The following SLFN11 variants were observed in gnomAD, a reference collection of about 807,000 sequenced individuals.
SLFN11 encodes schlafen family member 11.
In SLFN11, 43 loss-of-function variants were observed where a neutral mutation model predicts 53.4. The observed-to-expected ratio is 0.80, with a 90% CI of 0.63 to 1.04. The LOEUF (loss-of-function observed/expected upper bound fraction) is 1.04. Among genes scored for constraint, SLFN11 ranks in the 50% least tolerant of loss-of-function variants. SLFN11 has a pLI of 0.00. For missense variants in SLFN11, 990 were observed against 1,079.1 expected (o/e 0.92, Z 1.16); for synonymous variants, 389 against 394.7 (o/e 0.99, Z 0.17).
chr17:35,369,104 A>C (rs1439694575), intron 1 of SLFN11, among the ~76,000 whole-genome samples: 1 of 152,026 alleles, frequency 6.6e-6, no homozygotes, highest in Non-Finnish European at 1.5e-5. Context: ...TGCTTGAGAA[A>C]AGCAGAGGGA....
rs765437686 is a variant in SLFN11 at position 35,353,736 on chromosome 17, C to T, written c.1522G>A (p.Val508Met). The T allele has an allele frequency of 9.4e-6, 14 of 1,495,490 alleles. No homozygotes were observed. In the Admixed American group the frequency reaches 2.1e-4, roughly 22 times the overall value. 92.6% of individuals were successfully genotyped at this position (1,495,490 alleles called of 1,614,324 possible). ...CAGAGGACCTTGGCCCTGACACACA[C>T]CTTCCCGGTGTAGCCCCCCATGTTC... ...LVNMGGYTGK[V>M]CVRAKVLCLS... Residue 508 changes from valine (V) to methionine (M), a missense_variant, in exon 6 of 7, where the codon GTG (valine) becomes ATG (methionine). By Grantham distance (21) the Val-to-Met change is conservative (BLOSUM62 1). This residue lies in a region of SLFN11 where 156 missense variants were observed against 241.9 expected (regional missense o/e 0.64). Coordinates refer to ENST00000685675, the MANE Select transcript of SLFN11 (RefSeq NM_001376007.1).
At chr17:35,361,796 G>A (rs1339815165) in intron 4 of SLFN11, among the ~76,000 whole-genome samples, 1 of 151,936 alleles carries the variant, frequency 6.6e-6, no homozygotes, top group African/African-American at 2.4e-5. Flanking sequence ...CCAGACTGGA[G>A]TGCAGTGGTG....
Position 35,363,425 on chromosome 17 carries a change from A to G in SLFN11, c.383T>C (p.Leu128Pro), listed in dbSNP as rs371457747. Reference sequence around the variant, plus strand: ...AGATCTACGGTATAATGAAGAACTGAGGCTGCAAAGGCGGGGCTTGACAGA... The same window carrying G: ...AGATCTACGGTATAATGAAGAACTGGGGCTGCAAAGGCGGGGCTTGACAGA... ...DRSVKPRLCS[L>P]SSSLYRRSET... The change falls in exon 4 of 7, where the codon CTC (leucine) becomes CCC (proline). Residue 128 changes from leucine to proline, a missense_variant. Physicochemically the swap from Leu to Pro is moderately conservative, Grantham distance 98. Transcript: ENST00000685675. The G allele has an allele frequency of 7.1e-5, 114 of 1,613,814 alleles. 1 individual carries two copies. The highest frequency in any genetic ancestry group is 9.6e-5 in the Non-Finnish European group (113 of 1,179,960).
In SLFN11 at chr17:35,352,886, C is replaced by T; in HGVS notation, c.2176G>A (p.Glu726Lys). The T allele has an allele frequency of 6.2e-7, 1 of 1,614,154 alleles. No individual in the cohort carries two copies. The highest frequency in any genetic ancestry group is 8.5e-7 in the Non-Finnish European group (1 of 1,180,030). The stretch of plus-strand genomic sequence containing the variant: ...GCATTGCGAACTATTCTGGTGAGCT[C>T]TTCTCTTGGATATTGGTCTGAGAGA... ...PPLSDQYPRE[E>K]LTRIVRNADP... Residue 726 changes from glutamate to lysine, a missense_variant, in exon 7 of 7, where the codon GAG (glutamate) becomes AAG (lysine). Transcript: ENST00000685675.
intron 6 of SLFN11, 44 bp downstream of exon 6, chr17:35,353,292 C>A (rs753153360): frequency 2.5e-6 from 4 of 1,611,820 alleles, no homozygotes; most frequent in South Asian, 2.2e-5. Flanking sequence ...AAAAATTAAA[C>A]CCAGATTAAA....
At chr17:35,353,268 G>A (rs1449011032) in intron 6 of SLFN11, 68 bp downstream of exon 6, 7 of 1,608,484 alleles carry the variant, frequency 4.4e-6, no homozygotes, top group African/African-American at 1.3e-5. Flanking sequence ...CAAGAAAGAC[G>A]GTGACTTAGC....
chr17:35,359,222 C>T (rs1907890128), intron 5 of SLFN11, among the ~76,000 whole-genome samples: 1 of 151,982 alleles, frequency 6.6e-6, no homozygotes, highest in Admixed American at 6.6e-5. Flanking sequence ...GTAATAAGCT[C>T]TACTAAAATG....
intron 1 of SLFN11, among the ~76,000 whole-genome samples, chr17:35,372,588 A>G (rs1467763713): frequency 2.6e-5 from 4 of 152,130 alleles, no homozygotes; most frequent in African/African-American, 4.8e-5. Context: ...CACATCCACT[A>G]TGTACCTACA....
intron 5 of SLFN11, among the ~76,000 whole-genome samples, chr17:35,354,394 C>T (rs978761458): frequency 2.0e-5 from 3 of 152,100 alleles, no homozygotes; most frequent in Non-Finnish European, 2.9e-5. Flanking sequence ...CTCATTGTAG[C>T]TGCTTGAGAA....
intron 5 of SLFN11, among the ~76,000 whole-genome samples, chr17:35,355,571 A>G (rs1907363743): frequency 6.6e-6 from 1 of 152,024 alleles, no homozygotes; most frequent in African/African-American, 2.4e-5. Flanking sequence ...TCACTAAAAC[A>G]CTTGATGTTT....
At position 35,360,373 on chromosome 17, in the gene SLFN11, T is replaced by C. The variant is rs754295684; in HGVS notation, c.1070-2A>G. ...AATCTTCAGACAACTGTAGAAGATCTTAAGAAAGAAAATTCATGTTATTCT... is the reference window on the plus strand; with the variant it reads ...AATCTTCAGACAACTGTAGAAGATCCTAAGAAAGAAAATTCATGTTATTCT... On this transcript the variant is annotated splice_acceptor_variant, in intron 4 of 6. Transcript: ENST00000685675. LOFTEE classifies it high-confidence loss of function. 4.4e-6 allele frequency: 7 copies of C among 1,595,900 alleles called. No individual in the cohort carries two copies. The East Asian group carries it at 1.3e-4, about 31-fold the overall frequency.
At position 35,356,825 on chromosome 17, in the gene SLFN11, CACACACAT is replaced by C. The variant is rs1457073158; in HGVS notation, c.1199-2774_1199-2767del. Among the ~76,000 whole-genome samples, 6 of 151,292 alleles carry C rather than the reference CACACACAT, an allele frequency of 4.0e-5. 1 individual carries two copies. Among genetic ancestry groups the C allele is most frequent in the Non-Finnish European group, 1.5e-5 (1 of 67,906 alleles). Reference sequence around the variant, plus strand: ...ACACACACACACACACACACACACACACACACATAATAAAATCCCAAAGGTTAAATGCA... The same window carrying C: ...ACACACACACACACACACACACACACAATAAAATCCCAAAGGTTAAATGCA... On this transcript the variant is annotated intron_variant, in intron 5 of 6. Coordinates refer to ENST00000685675, the MANE Select transcript of SLFN11 (RefSeq NM_001376007.1).
Position 35,362,940 on chromosome 17 carries a change from G to T in SLFN11, c.868C>A (p.Gln290Lys). Residue 290 changes from glutamine to lysine, a missense_variant, in exon 4 of 7, where the codon CAA (glutamine) becomes AAA (lysine). Gln to Lys is a moderately conservative substitution (Grantham distance 53, BLOSUM62 1). Coordinates refer to ENST00000685675, the MANE Select transcript of SLFN11 (RefSeq NM_001376007.1). ...TTGAGTGTGAAGGTTATCGGGCGTT[G>T]GGGTTGGCAAAAATGAACACAAGGT... Reference protein sequence around the residue: ...KLPCVHFCQPQRPITFTLKIV... With the variant: ...KLPCVHFCQPKRPITFTLKIV... The T allele has an allele frequency of 1.2e-6, 2 of 1,613,438 alleles. No homozygotes were observed. The highest frequency in any genetic ancestry group is 1.7e-6 in the Non-Finnish European group (2 of 1,179,744).
At position 35,353,984 on chromosome 17, in the gene SLFN11, TC is replaced by T; in HGVS notation, c.1273del (p.Glu425SerfsTer2). The part of the protein sequence containing the change: ...DLISEHRGLE[E>X]LINKQMQPFF... ...AGGTTGCATTTGCTTATTTATTAACTCCTCTAGTCCTCTGTGCTCTGAGATC... is the reference window on the plus strand; with the variant it reads ...AGGTTGCATTTGCTTATTTATTAACTCTCTAGTCCTCTGTGCTCTGAGATC... On this transcript the variant is annotated frameshift_variant, in exon 6 of 7. Coordinates refer to ENST00000685675, the MANE Select transcript of SLFN11 (RefSeq NM_001376007.1). LOFTEE classifies it high-confidence loss of function. The T allele has an allele frequency of 6.2e-7, 1 of 1,614,010 alleles. No homozygotes were observed. The highest frequency in any genetic ancestry group is 8.5e-7 in the Non-Finnish European group (1 of 1,179,988).
intron 1 of SLFN11, among the ~76,000 whole-genome samples, chr17:35,370,150 A>G (rs1909469527): frequency 6.6e-6 from 1 of 152,166 alleles, no homozygotes; most frequent in South Asian, 2.1e-4. Flanking sequence ...AGTGCTATTT[A>G]TTTCAGGGAT....
At chr17:35,360,449 T>C in intron 4 of SLFN11, 78 bp from the exon 5 acceptor site, 1 of 1,311,636 alleles carries the variant, frequency 7.6e-7, no homozygotes, top group Non-Finnish European at 1.0e-6. Flanking sequence ...AGGTGGAATG[T>C]GTGACTTTCT....
intron 3 of SLFN11, among the ~76,000 whole-genome samples, chr17:35,366,342 A>G (rs1908955342): frequency 6.6e-6 from 1 of 152,138 alleles, no homozygotes; most frequent in Non-Finnish European, 1.5e-5. Context: ...GTTCAAAAAG[A>G]TCAATATAAT....
chr17:35,352,937 G>A lies in SLFN11; in HGVS notation c.2125C>T (p.His709Tyr). The change falls in exon 7 of 7, where the codon CAC becomes TAC. Residue 709 changes from histidine (H) to tyrosine (Y), a missense_variant. Around this residue, in one of 3 missense-constraint regions of SLFN11, gnomAD observed 313 missense variants for 320.9 expected, o/e 0.98. Coordinates refer to ENST00000685675, the MANE Select transcript of SLFN11 (RefSeq NM_001376007.1). ...WIFLDYFQTSHLDCSGLPPLS... is the reference protein window; with the variant it reads ...WIFLDYFQTSYLDCSGLPPLS... ...GGAGGGAGGCCACTGCAATCCAAGT[G>A]GCTGGTCTGAAAGTAATCCAGAAAG... The A allele has an allele frequency of 6.2e-7, 1 of 1,614,212 alleles. No individual in the cohort carries two copies. The highest frequency in any genetic ancestry group is 8.5e-7 in the Non-Finnish European group (1 of 1,180,036).
intron 5 of SLFN11, among the ~76,000 whole-genome samples, chr17:35,357,791 C>T (rs1008574059): frequency 1.5e-5 from 2 of 135,958 alleles, no homozygotes; most frequent in Non-Finnish European, 3.2e-5. Context: ...AAATAATAAA[C>T]ATAAAAATAT....
Sources: gnomAD v4.1 joint callset for allele counts (sites outside exome capture counted in the v4.1 genomes callset) on GRCh38, gnomAD v4.1.1 for gene constraint, gnomAD v4.1.1 regional missense constraint, MANE v1.5 for transcripts, NCBI Gene and HGNC (gene_info 2026-07-23, HGNC 2026-07-21) for gene names.